Variants in EMID1 observed in about 807,000 individuals in gnomAD.
EMID1 encodes the protein EMI domain-containing protein 1.
In EMID1, 40 loss-of-function variants were observed where a neutral mutation model predicts 60.6. The observed-to-expected ratio is 0.66, with a 90% CI of 0.51 to 0.86. The LOEUF is 0.86. Among genes scored for constraint, EMID1 ranks in the 40% least tolerant of loss-of-function variants. The pLI is 0.00. For synonymous variants in EMID1, 242 were observed against 231.0 expected (o/e 1.05, Z -0.43); for missense variants, 585 against 597.1 (o/e 0.98, Z 0.21).
chr22:29,207,092 C>T (rs78453731), intron 1 of EMID1, among the ~76,000 whole-genome samples: 2 of 152,218 alleles, frequency 1.3e-5, no homozygotes, highest in Admixed American at 1.3e-4. Context: ...GCCCCCACCC[C>T]CTACGGCCTC....
At position 29,233,602 on chromosome 22, in the gene EMID1, G is replaced by A. The variant is rs2146309457; in HGVS notation, c.914-12G>A. The A allele has an allele frequency of 6.2e-7, 1 of 1,613,282 alleles. No individual in the cohort carries two copies. The highest frequency in any genetic ancestry group is 2.2e-5 in the East Asian group (1 of 44,856). On this transcript the variant is annotated splice_polypyrimidine_tract_variant and intron_variant, in intron 9 of 14. Transcript: ENST00000334018. ...TTTGTTCCGGCCCTTAGGACATCCT[G>A]TCTTTTTCCAGGTCCCCCTGGGCCT...
chr22:29,229,839 G>C (rs1315735439), intron 5 of EMID1, among the ~76,000 whole-genome samples: 4 of 152,204 alleles, frequency 2.6e-5, no homozygotes, highest in African/African-American at 9.6e-5. Context: ...GGATCTGCCA[G>C]AGAGTTTCAG....
At chr22:29,211,296 C>T (rs2039871605) in intron 1 of EMID1, among the ~76,000 whole-genome samples, 1 of 152,168 alleles carries the variant, frequency 6.6e-6, no homozygotes, top group Non-Finnish European at 1.5e-5. Context: ...GGAGGACGGT[C>T]ATTTCTGTGA....
chr22:29,235,863 C>G (rs1399026847), intron 12 of EMID1, among the ~76,000 whole-genome samples: 1 of 132,454 alleles, frequency 7.5e-6, no homozygotes, highest in African/African-American at 2.8e-5. Flanking sequence ...AATCATAGCT[C>G]ACTGTAGCCC....
chr22:29,207,736 A>G (rs780394417), intron 1 of EMID1, among the ~76,000 whole-genome samples: 3 of 152,180 alleles, frequency 2.0e-5, no homozygotes, highest in African/African-American at 4.8e-5. Context: ...GGGCAACACT[A>G]TTGCACCCAT....
In EMID1 at chr22:29,225,124, A is replaced by C. The variant is rs374089491; in HGVS notation, c.320-9A>C. ...CATGCCAGCAGGGCTCTCACCCTCC[A>C]TCCCTTAGTTGCAGCTTCCTCTGCC... On this transcript the variant is annotated splice_polypyrimidine_tract_variant and intron_variant, in intron 3 of 14. Transcript: ENST00000334018. 1 of 1,613,394 alleles carries C rather than the reference A, an allele frequency of 6.2e-7. No individual in the cohort carries two copies. The highest frequency in any genetic ancestry group is 8.5e-7 in the Non-Finnish European group (1 of 1,179,762).
rs557491325 is a variant in EMID1 at position 29,259,078 on chromosome 22, G to T, written c.*134G>T. The T allele has an allele frequency of 1.7e-5, 23 of 1,365,970 alleles. No homozygotes were observed. In the South Asian group the frequency reaches 2.9e-4, roughly 17 times the overall value. 84.6% of individuals were successfully genotyped at this position (1,365,970 alleles called of 1,614,324 possible). On this transcript the variant is annotated 3_prime_UTR_variant, in exon 15 of 15. Coordinates refer to ENST00000334018, the MANE Select transcript of EMID1 (RefSeq NM_133455.4). ...CCCTTCTGCCATCTAGGCCTTAGGG[G>T]TAAGCAGGTCTCAGTCCTGGCACCA...
chr22:29,253,073 G>A (rs1016137289), intron 13 of EMID1, among the ~76,000 whole-genome samples: 2 of 152,244 alleles, frequency 1.3e-5, no homozygotes, highest in Non-Finnish European at 2.9e-5. Flanking sequence ...TTGTGCGAAA[G>A]CAATATAGGC....
intron 1 of EMID1, among the ~76,000 whole-genome samples, chr22:29,213,382 G>C (rs1035703473): frequency 7.2e-5 from 11 of 152,172 alleles, no homozygotes; most frequent in African/African-American, 2.7e-4. Flanking sequence ...CTGCTTCATG[G>C]GCCAAACTGA....
intron 12 of EMID1, among the ~76,000 whole-genome samples, chr22:29,236,218 A>G (rs1391940198): frequency 1.3e-5 from 2 of 151,658 alleles, no homozygotes; most frequent in African/African-American, 2.4e-5. Flanking sequence ...ACAAAATGAG[A>G]CCCTTTTTCT....
chr22:29,210,947 A>T (rs1344324024), intron 1 of EMID1, among the ~76,000 whole-genome samples: 1 of 151,024 alleles, frequency 6.6e-6, no homozygotes, highest in Non-Finnish European at 1.5e-5. Flanking sequence ...CTGTTTGTGT[A>T]CATGTGAGAA....
intron 2 of EMID1, 136 bp downstream of exon 2, chr22:29,215,175 C>A: frequency 1.4e-6 from 2 of 1,419,452 alleles, no homozygotes; most frequent in South Asian, 1.6e-5. Context: ...TAGCATCAGC[C>A]GACACCATTC....
rs33924066 is a variant in EMID1 at position 29,248,259 on chromosome 22, C to CT, written c.1119+4791dup. 5.0e-3 allele frequency among the ~76,000 whole-genome samples: 578 copies of CT among 116,000 alleles called. 5 individuals are homozygous for CT. The highest frequency in any genetic ancestry group is 0.014 in the South Asian group (49 of 3,412). 76.1% of individuals were successfully genotyped at this position (116,000 alleles called of 152,430 possible). On this transcript the variant is annotated intron_variant, in intron 13 of 14. Transcript: ENST00000334018. ...CAGGTGTGAGACACTGTGCCTGGCC[C>CT]TTTTTTTTTTTTTTTTTTTTTCACT...
chr22:29,215,293 C>G (rs2040043139), intron 2 of EMID1: 1 of 981,476 alleles, frequency 1.0e-6, no homozygotes, highest in South Asian at 4.7e-5. Context: ...TGGGCTCAGG[C>G]CAGCCCAGCC....
intron 3 of EMID1, among the ~76,000 whole-genome samples, chr22:29,218,666 T>C (rs1038621645): frequency 2.6e-5 from 4 of 152,256 alleles, no homozygotes; most frequent in Admixed American, 2.6e-4. Context: ...GTGGGCGCAA[T>C]GCCAGGGCCA....
At chr22:29,244,542 G>A (rs1332252739) in intron 13 of EMID1, among the ~76,000 whole-genome samples, 1 of 152,046 alleles carries the variant, frequency 6.6e-6, no homozygotes, top group Non-Finnish European at 1.5e-5. Context: ...AGGAGGCTGA[G>A]GCAGGGGAAT....
At chr22:29,224,622 T>C (rs1238029578) in intron 3 of EMID1, among the ~76,000 whole-genome samples, 1 of 152,250 alleles carries the variant, frequency 6.6e-6, no homozygotes, top group Non-Finnish European at 1.5e-5. Flanking sequence ...AGAGTGTGGA[T>C]GGCGACAGCC....
At chr22:29,223,564 AAAAG>A (rs1004536524) in intron 3 of EMID1, among the ~76,000 whole-genome samples, 15 of 152,314 alleles carry the variant, frequency 9.8e-5, no homozygotes, top group Admixed American at 2.6e-4. Context: ...ACCAACCAAA[AAAAG>A]AAATCTGGCC....
intron 14 of EMID1, among the ~76,000 whole-genome samples, chr22:29,258,294 A>G (rs527773349): frequency 4.6e-5 from 7 of 152,266 alleles, no homozygotes; most frequent in African/African-American, 1.4e-4. Flanking sequence ...TCCATCCGGA[A>G]CTGTCCCTGT....
Sources: gnomAD v4.1 joint callset for allele counts (sites outside exome capture counted in the v4.1 genomes callset) on GRCh38, gnomAD v4.1.1 for gene constraint, MANE v1.5 for transcripts, NCBI Gene and HGNC (gene_info 2026-07-23, HGNC 2026-07-21) for gene names.